CSMD3: variants seen among roughly 807,000 people sequenced by gnomAD.
CSMD3 encodes CUB and Sushi multiple domains 3.
In CSMD3, 177 loss-of-function variants were observed where a neutral mutation model predicts 435.2. The ratio of observed to expected loss-of-function variants is 0.41; its 90% CI spans 0.36 to 0.46. The LOEUF is 0.46. CSMD3 is among the 20% of genes least tolerant of loss of function. CSMD3 has a pLI of 0.34. For synonymous variants in CSMD3, 1,656 were observed against 1,520.5 expected (o/e 1.09, Z -2.07); for missense variants, 4,265 against 4,504.6 (o/e 0.95, Z 1.52).
chr8:112,957,195 G>T (rs1490329656), intron 7 of CSMD3, among the ~76,000 whole-genome samples: 1 of 152,012 alleles, frequency 6.6e-6, no homozygotes, highest in African/African-American at 2.4e-5. Context: ...AAGATACAGA[G>T]CATAAATCTT....
intron 29 of CSMD3, among the ~76,000 whole-genome samples, chr8:112,505,665 A>G (rs1229941785): frequency 1.3e-5 from 2 of 152,036 alleles, no homozygotes; most frequent in African/African-American, 4.8e-5. Flanking sequence ...GAAATTTTAG[A>G]GTCTTAGTTA....
chr8:112,623,034 T>G lies in CSMD3; in HGVS notation c.3715+13783A>C, dbSNP rs564772628. Among the ~76,000 whole-genome samples, 231 of 152,244 alleles carry G rather than the reference T, an allele frequency of 1.5e-3. 1 individual carries two copies. Among genetic ancestry groups the G allele is most frequent in the African/African-American group, 4.2e-3 (176 of 41,562 alleles). ...CTATTACAGGGCTGCTGTTCATTAC[T>G]ATATCAATTCTAATAAAACATATAC... On this transcript the variant is annotated intron_variant, in intron 22 of 70. Coordinates refer to ENST00000297405, the MANE Select transcript of CSMD3 (RefSeq NM_198123.2).
chr8:112,581,229 A>G (rs1387252229), intron 23 of CSMD3, among the ~76,000 whole-genome samples: 1 of 152,048 alleles, frequency 6.6e-6, no homozygotes, highest in Non-Finnish European at 1.5e-5. Flanking sequence ...AATTTTTTCA[A>G]TAATTGTGTG....
At chr8:112,972,870 T>G (rs1038319158) in intron 7 of CSMD3, among the ~76,000 whole-genome samples, 1 of 151,902 alleles carries the variant, frequency 6.6e-6, no homozygotes, top group African/African-American at 2.4e-5. Context: ...TGATTACAAA[T>G]GCAAGCTGCA....
intron 5 of CSMD3, among the ~76,000 whole-genome samples, chr8:113,050,625 C>T (rs2088045473): frequency 1.3e-5 from 2 of 151,930 alleles, no homozygotes; most frequent in African/African-American, 4.8e-5. Flanking sequence ...AAAGAAAAAA[C>T]ATTTTAAAAA....
rs143811381 is a variant in CSMD3, at chr8:113,241,799, A to T, written c.514+36793T>A. On this transcript the variant is annotated intron_variant, in intron 3 of 70. Coordinates refer to ENST00000297405, the MANE Select transcript of CSMD3 (RefSeq NM_198123.2). ...AATAAAATTTGAGTGGGAAGATTCT[A>T]TCTTGTCCTCTGACACACATCACTG... is the stretch of plus-strand genomic sequence containing the variant. 2.2e-3 allele frequency among the ~76,000 whole-genome samples: 339 copies of T among 152,060 alleles called. 2 individuals are homozygous for T. Among genetic ancestry groups the T allele is most frequent in the African/African-American group, 8.1e-3 (337 of 41,558 alleles).
At chr8:113,197,544 T>C (rs73346376) in intron 3 of CSMD3, among the ~76,000 whole-genome samples, 3,704 of 151,322 alleles carry the variant, frequency 0.024, 164 homozygotes, top group African/African-American at 0.085. Flanking sequence ...TATATTATTA[T>C]TACTGTAATG....
At position 112,573,594 on chromosome 8, in the gene CSMD3, C is replaced by T. The variant is rs575184135; in HGVS notation, c.3949G>A (p.Gly1317Arg). Reference protein sequence around the residue: ...LGAFTGASMRGLTLSSTSNQL... With the variant: ...LGAFTGASMRRLTLSSTSNQL... ...TTTGAAGTACTACTAAGTGTCAGTC[C>T]GCGCATAGATGCACCAGTAAAAGCA... is the stretch of plus-strand genomic sequence containing the variant. The change falls in exon 24 of 71, where the codon GGA becomes AGA. Residue 1317 changes from glycine to arginine, a missense_variant. By Grantham distance (125) the Gly-to-Arg change is moderately radical. Coordinates refer to ENST00000297405, the MANE Select transcript of CSMD3 (RefSeq NM_198123.2). 5.0e-6 allele frequency: 8 copies of T among 1,612,904 alleles called. No homozygotes were observed. Among genetic ancestry groups the T allele is most frequent in the African/African-American group, 2.7e-5 (2 of 74,852 alleles).
At chr8:113,267,894 G>C (rs915873069) in intron 3 of CSMD3, among the ~76,000 whole-genome samples, 24 of 151,684 alleles carry the variant, frequency 1.6e-4, no homozygotes, top group Middle Eastern at 6.8e-3. Flanking sequence ...TAATTATATT[G>C]TCTAACTGAT....
chr8:113,413,881 C>T (rs528611685), intron 1 of CSMD3, among the ~76,000 whole-genome samples: 9 of 152,068 alleles, frequency 5.9e-5, no homozygotes, highest in South Asian at 4.2e-4. Context: ...CGAAAGTGTT[C>T]GAATGTCCTC....
intron 3 of CSMD3, among the ~76,000 whole-genome samples, chr8:113,180,681 T>A (rs2092410425): frequency 6.6e-6 from 1 of 152,028 alleles, no homozygotes; most frequent in African/African-American, 2.4e-5. Flanking sequence ...AAATACAAAA[T>A]AATAGAGTGG....
chr8:112,594,613 C>A (rs13276210), intron 22 of CSMD3, among the ~76,000 whole-genome samples: 18 of 151,856 alleles, frequency 1.2e-4, no homozygotes, highest in Admixed American at 1.2e-3. Flanking sequence ...TAAATGTCCC[C>A]GTCTGACAGC....
intron 59 of CSMD3, among the ~76,000 whole-genome samples, chr8:112,275,110 C>A (rs971203476): frequency 6.6e-5 from 10 of 152,150 alleles, no homozygotes; most frequent in Admixed American, 2.0e-4. Flanking sequence ...AAGTTCAAAC[C>A]ATGCAAACCC....
chr8:112,491,627 C>T (rs1185372593), intron 31 of CSMD3, among the ~76,000 whole-genome samples: 1 of 152,112 alleles, frequency 6.6e-6, no homozygotes, highest in Non-Finnish European at 1.5e-5. Context: ...CCAGCCTGAG[C>T]AGCAGAGCCA....
At chr8:113,210,027 T>TGTGTGA (rs2092815030) in intron 3 of CSMD3, among the ~76,000 whole-genome samples, 1 of 149,726 alleles carries the variant, frequency 6.7e-6, no homozygotes, top group Non-Finnish European at 1.5e-5. Flanking sequence ...TGTGTGTGTG[T>TGTGTGA]GTGTGTGTGT....
At chr8:113,124,874 G>A (rs559051903) in intron 4 of CSMD3, among the ~76,000 whole-genome samples, 1 of 151,962 alleles carries the variant, frequency 6.6e-6, no homozygotes, top group South Asian at 2.1e-4. Flanking sequence ...TGTTAGATAT[G>A]TTTTCCTATT....
At chr8:112,472,061 T>C (rs1361032703) in intron 32 of CSMD3, among the ~76,000 whole-genome samples, 1 of 152,192 alleles carries the variant, frequency 6.6e-6, no homozygotes, top group Non-Finnish European at 1.5e-5. Flanking sequence ...GAACAGATTG[T>C]CAGGTTGACA....
intron 12 of CSMD3, among the ~76,000 whole-genome samples, chr8:112,809,870 C>A (rs1418947022): frequency 1.3e-5 from 2 of 152,178 alleles, no homozygotes; most frequent in Non-Finnish European, 2.9e-5. Flanking sequence ...TCTCAAGAAC[C>A]TCCAAGCCAT....
At chr8:112,381,438 G>C (rs971839932) in intron 37 of CSMD3, among the ~76,000 whole-genome samples, 1 of 152,142 alleles carries the variant, frequency 6.6e-6, no homozygotes, top group African/African-American at 2.4e-5. Flanking sequence ...TCCACCTCTA[G>C]CAGTTTCAAA....
Sources: allele counts gnomAD v4.1 joint callset (sites outside exome capture counted in the v4.1 genomes callset), GRCh38; gene constraint gnomAD v4.1.1; transcripts MANE v1.5; gene names NCBI Gene and HGNC (gene_info 2026-07-23, HGNC 2026-07-21).